The following PTPRD variants were observed in gnomAD, a reference collection of about 807,000 sequenced individuals.
The protein encoded by PTPRD is receptor-type tyrosine-protein phosphatase delta.
Under a neutral mutation model 214.5 loss-of-function variants are expected in PTPRD, and 34 were observed. The observed-to-expected ratio is 0.16, with a 90% CI of 0.12 to 0.21. PTPRD has a LOEUF of 0.21. PTPRD is among the 10% of genes least tolerant of loss of function. PTPRD has a pLI of 1.00. For missense variants in PTPRD, 2,545 were observed against 2,398.7 expected (o/e 1.06, Z -1.27); for synonymous variants, 1,128 against 845.7 (o/e 1.33, Z -5.79).
At chr9:10,332,392 T>C (rs2096767405) in intron 3 of PTPRD, among the ~76,000 whole-genome samples, 1 of 151,830 alleles carries the variant, frequency 6.6e-6, no homozygotes, top group Non-Finnish European at 1.5e-5. Context: ...AAATGAACTT[T>C]CTTCTAATCC....
intron 14 of PTPRD, among the ~76,000 whole-genome samples, chr9:8,577,569 G>C (rs2092575277): frequency 6.6e-6 from 1 of 152,046 alleles, no homozygotes; most frequent in African/African-American, 2.4e-5. Flanking sequence ...TTTAACTCTT[G>C]TTAAGGATCT....
At chr9:9,524,225 G>A (rs541758138) in intron 8 of PTPRD, among the ~76,000 whole-genome samples, 2 of 152,122 alleles carry the variant, frequency 1.3e-5, no homozygotes, top group Admixed American at 6.5e-5. Context: ...TCTGAAAGCT[G>A]TATTAGGGCT....
At chr9:8,430,472 T>A (rs970146170) in intron 35 of PTPRD, among the ~76,000 whole-genome samples, 3 of 151,368 alleles carry the variant, frequency 2.0e-5, no homozygotes, top group Non-Finnish European at 2.9e-5. Context: ...AGAGACAGTT[T>A]CACCATGTTG....
chr9:8,986,739 CA>C (rs1433759744), intron 11 of PTPRD, among the ~76,000 whole-genome samples: 4 of 151,914 alleles, frequency 2.6e-5, no homozygotes, highest in African/African-American at 9.7e-5. Context: ...TGGGAAGTGC[CA>C]GATACAAATG....
chr9:8,560,793 G>A (rs979460642), intron 14 of PTPRD, among the ~76,000 whole-genome samples: 1 of 152,156 alleles, frequency 6.6e-6, no homozygotes, highest in Non-Finnish European at 1.5e-5. Flanking sequence ...GGGTTATCCA[G>A]TGTTTAGAAG....
intron 2 of PTPRD, among the ~76,000 whole-genome samples, chr9:10,490,073 C>G (rs1263511589): frequency 2.0e-5 from 3 of 152,074 alleles, no homozygotes; most frequent in African/African-American, 4.8e-5. Context: ...AGTAGAGACT[C>G]CCATTCTCCC....
At chr9:9,258,445 C>A (rs1271772324) in intron 9 of PTPRD, among the ~76,000 whole-genome samples, 3 of 151,358 alleles carry the variant, frequency 2.0e-5, no homozygotes, top group Non-Finnish European at 4.4e-5. Context: ...AAAAAAAATA[C>A]AACAGCCATT....
chr9:9,223,148 A>G (rs546497000), intron 9 of PTPRD, among the ~76,000 whole-genome samples: 1 of 152,032 alleles, frequency 6.6e-6, no homozygotes, highest in African/African-American at 2.4e-5. Flanking sequence ...CTTGTTTATA[A>G]TATAGCTCTA....
chr9:8,349,462 A>G (rs1248908652), intron 39 of PTPRD, among the ~76,000 whole-genome samples: 1 of 152,082 alleles, frequency 6.6e-6, no homozygotes, highest in African/African-American at 2.4e-5. Context: ...AAGCAAATGC[A>G]TTTTTCTTTG....
At chr9:10,450,942 AAG>A (rs2098837511) in intron 2 of PTPRD, among the ~76,000 whole-genome samples, 1 of 151,952 alleles carries the variant, frequency 6.6e-6, no homozygotes, top group Non-Finnish European at 1.5e-5. Flanking sequence ...AAAAATCTCT[AAG>A]TACTCTGAGA....
chr9:10,034,697 T>C (rs983872883), intron 3 of PTPRD, among the ~76,000 whole-genome samples: 1 of 152,138 alleles, frequency 6.6e-6, no homozygotes, highest in African/African-American at 2.4e-5. Context: ...GTTCCTGCTT[T>C]AGTTTTCTAA....
At chr9:8,638,937 G>T (rs890493435) in intron 12 of PTPRD, among the ~76,000 whole-genome samples, 1 of 152,156 alleles carries the variant, frequency 6.6e-6, no homozygotes, top group East Asian at 1.9e-4. Flanking sequence ...CCACTACCCA[G>T]GTTCAAGCGA....
At chr9:8,965,865 A>T (rs1252170515) in intron 11 of PTPRD, among the ~76,000 whole-genome samples, 1 of 152,164 alleles carries the variant, frequency 6.6e-6, no homozygotes, top group African/African-American at 2.4e-5. Context: ...TTCACTGACA[A>T]TATGATCCTA....
chr9:10,310,464 G>C (rs1374329075), intron 3 of PTPRD, among the ~76,000 whole-genome samples: 2 of 151,892 alleles, frequency 1.3e-5, no homozygotes, highest in African/African-American at 4.8e-5. Context: ...ATCTAGTCAA[G>C]TTCAATATAA....
At chr9:9,651,775 G>C (rs779567217) in intron 7 of PTPRD, among the ~76,000 whole-genome samples, 1 of 147,604 alleles carries the variant, frequency 6.8e-6, no homozygotes, top group Non-Finnish European at 1.5e-5. Context: ...GGATTGCTGG[G>C]TCAAATGATA....
At chr9:8,550,947 A>G (rs2081919098) in intron 14 of PTPRD, among the ~76,000 whole-genome samples, 1 of 152,248 alleles carries the variant, frequency 6.6e-6, no homozygotes, top group Admixed American at 6.5e-5. Flanking sequence ...TATAGCTCTC[A>G]TAACAATTAC....
At chr9:9,170,247 T>C (rs2099911827) in intron 10 of PTPRD, among the ~76,000 whole-genome samples, 1 of 152,194 alleles carries the variant, frequency 6.6e-6, no homozygotes. Context: ...ATTATTTTTC[T>C]GAAACCCATA....
intron 11 of PTPRD, among the ~76,000 whole-genome samples, chr9:8,787,499 T>C (rs1017643682): frequency 6.6e-6 from 1 of 152,170 alleles, no homozygotes; most frequent in African/African-American, 2.4e-5. Context: ...AGTCTATTAA[T>C]GTCTAGGACA....
At chr9:9,462,136 T>C (rs1447609215) in intron 8 of PTPRD, among the ~76,000 whole-genome samples, 1 of 152,138 alleles carries the variant, frequency 6.6e-6, no homozygotes, top group African/African-American at 2.4e-5. Flanking sequence ...ACAATAAATA[T>C]CTGTTGAATT....
Sources: gnomAD v4.1 joint callset for allele counts (sites outside exome capture counted in the v4.1 genomes callset) on GRCh38, gnomAD v4.1.1 for gene constraint, MANE v1.5 for transcripts, NCBI Gene and HGNC (gene_info 2026-07-23, HGNC 2026-07-21) for gene names.